MCC: variants seen among roughly 807,000 people sequenced by gnomAD.
MCC encodes colorectal mutant cancer protein.
Under a neutral mutation model 116.2 loss-of-function variants are expected in MCC, and 90 were observed. The observed-to-expected ratio is 0.77, with a 90% CI of 0.65 to 0.92. The LOEUF is 0.92. MCC is among the 40% of genes least tolerant of loss of function. The probability of loss-of-function intolerance (pLI) is 0.00; values close to 1 mark genes in which losing one functional copy is unlikely to be tolerated. For missense variants in MCC, 1,516 were observed against 1,312.2 expected, an observed-to-expected ratio of 1.16 and a Z score of -2.40; for synonymous variants, 578 against 510.5, an observed-to-expected ratio of 1.13 and a Z score of -1.78.
chr5:113,383,203 G>A (rs1045130630), intron 2 of MCC, among the ~76,000 whole-genome samples: 3 of 151,826 alleles, frequency 2.0e-5, no homozygotes, highest in African/African-American at 7.3e-5. Flanking sequence ...TTATTTTAAT[G>A]CTATATAGTA....
chr5:113,115,315 G>A (rs1757334798), intron 6 of MCC, among the ~76,000 whole-genome samples: 1 of 152,196 alleles, frequency 6.6e-6, no homozygotes, highest in Admixed American at 6.5e-5. Flanking sequence ...GACCTGAGAA[G>A]CGAAAGACGC....
At chr5:113,328,606 G>C (rs1056900506) in intron 3 of MCC, among the ~76,000 whole-genome samples, 2 of 152,136 alleles carry the variant, frequency 1.3e-5, no homozygotes, top group African/African-American at 4.8e-5. Context: ...CATCAACGTG[G>C]CAGATGCATT....
intron 1 of MCC, among the ~76,000 whole-genome samples, chr5:113,464,665 T>G (rs2150427288): frequency 6.6e-6 from 1 of 152,352 alleles, no homozygotes; most frequent in Non-Finnish European, 1.5e-5. Flanking sequence ...AGGTTGGCTA[T>G]TTTGTTCACT....
At chr5:113,275,975 T>TTG (rs200908710) in intron 3 of MCC, among the ~76,000 whole-genome samples, 2,975 of 150,198 alleles carry the variant, frequency 0.02, 36 homozygotes, top group Middle Eastern at 0.024. Context: ...GTTTTGTTTT[T>TTG]TTTTTTTTTT....
At chr5:113,431,436 T>C (rs1770641158) in intron 1 of MCC, among the ~76,000 whole-genome samples, 1 of 152,152 alleles carries the variant, frequency 6.6e-6, no homozygotes, top group South Asian at 2.1e-4. Context: ...TCATATTTGA[T>C]TAGCATCTCA....
intron 1 of MCC, among the ~76,000 whole-genome samples, chr5:113,464,614 T>TC (rs1554085816): frequency 6.6e-6 from 1 of 151,866 alleles, no homozygotes; most frequent in Non-Finnish European, 1.5e-5. Context: ...TGCTTTGTTT[T>TC]TGTTTATTTA....
At chr5:113,033,528 A>T (rs776614878) in intron 17 of MCC, among the ~76,000 whole-genome samples, 6 of 152,204 alleles carry the variant, frequency 3.9e-5, no homozygotes, top group Non-Finnish European at 8.8e-5. Flanking sequence ...GCCTTTCGTT[A>T]AGATTTTATA....
rs576265785 is a variant in MCC at position 113,300,372 on chromosome 5, T to C, written c.627+40147A>G. ...CCCAAACTCTAAAATTGTCCCCTTC[T>C]CCATTGACTCTCTCAAGCTAAACAA... On this transcript the variant is annotated intron_variant, in intron 3 of 18. Coordinates refer to ENST00000408903, the MANE Select transcript of MCC (RefSeq NM_001085377.2). 2.6e-5 allele frequency among the ~76,000 whole-genome samples: 4 copies of C among 152,236 alleles called. No individual in the cohort carries two copies. The East Asian group carries it at 7.7e-4, about 29-fold the overall frequency.
At chr5:113,477,719 T>C (rs929243126) in intron 1 of MCC, among the ~76,000 whole-genome samples, 3 of 151,962 alleles carry the variant, frequency 2.0e-5, no homozygotes, top group African/African-American at 7.2e-5. Flanking sequence ...ATGTGAAGAG[T>C]AGGCTAATTT....
At chr5:113,110,791 G>A (rs901941832) in intron 6 of MCC, among the ~76,000 whole-genome samples, 5 of 152,166 alleles carry the variant, frequency 3.3e-5, no homozygotes, top group Non-Finnish European at 7.3e-5. Context: ...ATGGTGTCTG[G>A]CATGGCCTTT....
Position 113,121,824 on chromosome 5 carries a change from A to G in MCC, c.1027+860T>C, listed in dbSNP as rs902611204. 2.6e-5 allele frequency among the ~76,000 whole-genome samples: 4 copies of G among 150,966 alleles called. No homozygotes were observed. The East Asian group carries it at 7.7e-4, about 29-fold the overall frequency. On this transcript the variant is annotated intron_variant, in intron 6 of 18. Coordinates refer to ENST00000408903, the MANE Select transcript of MCC (RefSeq NM_001085377.2). ...CATGTAAACATGTCTGTCCTAAGAT[A>G]TGCTGCTCCTCCCTCTTTTGACTCC...
chr5:113,195,663 G>A (rs562831658), intron 3 of MCC, among the ~76,000 whole-genome samples: 1 of 152,156 alleles, frequency 6.6e-6, no homozygotes, highest in South Asian at 2.1e-4. Context: ...CAGATGGAGG[G>A]TGCAGAGGAC....
At chr5:113,424,864 T>A (rs1056851677) in intron 1 of MCC, among the ~76,000 whole-genome samples, 1 of 149,908 alleles carries the variant, frequency 6.7e-6, no homozygotes, top group African/African-American at 2.5e-5. Flanking sequence ...AGAACAGCAA[T>A]GCTAGGAGTG....
chr5:113,422,762 G>A (rs142897544), intron 1 of MCC, among the ~76,000 whole-genome samples: 4 of 152,214 alleles, frequency 2.6e-5, no homozygotes, highest in African/African-American at 7.2e-5. Flanking sequence ...ACATGGCATC[G>A]GAGATAAATA....
chr5:113,049,131 T>C lies in MCC; in HGVS notation c.2617A>G (p.Ser873Gly). The change falls in exon 16 of 19, where the codon AGC becomes GGC. Residue 873 changes from serine to glycine, a missense_variant. Physicochemically the swap from Ser to Gly is moderately conservative, Grantham distance 56 (BLOSUM62 0). Coordinates refer to ENST00000408903, the MANE Select transcript of MCC (RefSeq NM_001085377.2). ...EQKEQRMRSLSSTSSGSKDKP... is the reference protein window; with the variant it reads ...EQKEQRMRSLGSTSSGSKDKP... ...TCTTTGCTGCCGCTGCTGGTGGAGC[T>C]GAGGGATCGCATCCGCTGCTCCTTC... 1.2e-6 allele frequency: 2 copies of C among 1,614,212 alleles called. No individual in the cohort carries two copies. The highest frequency in any genetic ancestry group is 8.5e-7 in the Non-Finnish European group (1 of 1,180,024).
In MCC at chr5:113,025,887, A is replaced by C. The variant is rs1196043767; in HGVS notation, c.*1415T>G. ...GACCTACCCGTAGCTTATGGACATA[A>C]AGACTCTATGCAGAAACCTCCTCAA... On this transcript the variant is annotated 3_prime_UTR_variant, in exon 19 of 19. Transcript: ENST00000408903. 1 of 152,186 alleles carries C rather than the reference A, an allele frequency of 6.6e-6. No individual in the cohort carries two copies. The highest frequency in any genetic ancestry group is 6.5e-5 in the Admixed American group (1 of 15,276). The allele number at this position is 152,186 out of a possible 1,614,324, so 9.4% of individuals were successfully genotyped here.
At chr5:113,156,821 C>T (rs182444213) in intron 3 of MCC, among the ~76,000 whole-genome samples, 1 of 152,302 alleles carries the variant, frequency 6.6e-6, no homozygotes, top group Non-Finnish European at 1.5e-5. Flanking sequence ...ACCACCTGGA[C>T]ATTTGGCTGC....
At chr5:113,377,534 A>T (rs1298400885) in intron 2 of MCC, among the ~76,000 whole-genome samples, 2 of 152,234 alleles carry the variant, frequency 1.3e-5, no homozygotes, top group African/African-American at 4.8e-5. Flanking sequence ...AACAGCTTGC[A>T]GGCAGAAAGA....
chr5:113,268,317 C>T (rs1010287155), intron 3 of MCC, among the ~76,000 whole-genome samples: 9 of 152,200 alleles, frequency 5.9e-5, no homozygotes, highest in African/African-American at 7.2e-5. Flanking sequence ...TTCATTCTAG[C>T]GGTCTCACCT....
Sources: allele counts gnomAD v4.1 joint callset (sites outside exome capture counted in the v4.1 genomes callset), GRCh38; gene constraint gnomAD v4.1.1; transcripts MANE v1.5; gene names NCBI Gene and HGNC (gene_info 2026-07-23, HGNC 2026-07-21).